GRIK1: variants seen among roughly 807,000 people sequenced by gnomAD.
GRIK1 encodes the protein glutamate receptor ionotropic, kainate 1.
A neutral mutation model predicts 105.7 loss-of-function variants in GRIK1; 69 were observed. The ratio of observed to expected loss-of-function variants is 0.65; its 90% CI spans 0.54 to 0.80. The LOEUF (loss-of-function observed/expected upper bound fraction) is 0.80, where lower values mean the gene tolerates loss of function less well. Among genes scored for constraint, GRIK1 ranks in the 30% least tolerant of loss-of-function variants. The pLI is 0.00. For missense variants in GRIK1, 1,109 were observed against 1,167.3 expected (o/e 0.95, Z 0.73); for synonymous variants, 438 against 431.3 (o/e 1.02, Z -0.19).
chr21:29,689,820 T>C lies in GRIK1; in HGVS notation c.452A>G (p.Tyr151Cys), dbSNP rs1009254984. 6.2e-7 allele frequency: 1 copy of C among 1,613,970 alleles called. No homozygotes were observed. The highest frequency in any genetic ancestry group is 8.5e-7 in the Non-Finnish European group (1 of 1,179,840). ...CCTGCTGATAGCTGCATAATCTGGG[T>C]AAAGGTTGATGTAAAACAAATCTTT... ...DNKDLFYINL[Y>C]PDYAAISRAI... The change falls in exon 3 of 18, where the codon TAC becomes TGC. Residue 151 changes from tyrosine (Y) to cysteine (C), a missense_variant. By Grantham distance (194) the Tyr-to-Cys change is radical (BLOSUM62 -2). This residue lies in a region of GRIK1 where 612 missense variants were observed against 586.0 expected (regional missense o/e 1.04). Coordinates refer to ENST00000327783, the MANE Select transcript of GRIK1 (RefSeq NM_001330994.2).
intron 1 of GRIK1, among the ~76,000 whole-genome samples, chr21:29,778,907 G>A (rs775750326): frequency 6.6e-6 from 1 of 151,966 alleles, no homozygotes; most frequent in Non-Finnish European, 1.5e-5. Flanking sequence ...CTTAACCAGA[G>A]GGCTTTTCGA....
intron 14 of GRIK1, among the ~76,000 whole-genome samples, chr21:29,567,070 AAT>A (rs1191144347): frequency 2.0e-5 from 3 of 152,216 alleles, no homozygotes; most frequent in Non-Finnish European, 4.4e-5. Context: ...CCTGACTTTT[AAT>A]AGCTTACACT....
At chr21:29,554,730 G>A (rs1373204476) in intron 16 of GRIK1, among the ~76,000 whole-genome samples, 1 of 151,858 alleles carries the variant, frequency 6.6e-6, no homozygotes, top group African/African-American at 2.4e-5. Context: ...ATTTATTTTT[G>A]CCTTTTTCCA....
chr21:29,765,904 T>C (rs1013012011), intron 1 of GRIK1, among the ~76,000 whole-genome samples: 2 of 151,762 alleles, frequency 1.3e-5, no homozygotes, highest in Non-Finnish European at 2.9e-5. Flanking sequence ...CAGGCTGGAG[T>C]GCAGTGGCGC....
At chr21:29,801,482 A>C (rs570971373) in intron 1 of GRIK1, among the ~76,000 whole-genome samples, 39 of 152,248 alleles carry the variant, frequency 2.6e-4, no homozygotes, top group African/African-American at 9.4e-4. Context: ...AAAAAGCCCC[A>C]AACTTCAAGG....
chr21:29,687,468 C>T (rs2063506371), intron 3 of GRIK1, among the ~76,000 whole-genome samples: 1 of 152,112 alleles, frequency 6.6e-6, no homozygotes, highest in Admixed American at 6.6e-5. Flanking sequence ...TCTCTGGGTT[C>T]CAATTTAATG....
chr21:29,852,190 C>T (rs1440445260), intron 1 of GRIK1, among the ~76,000 whole-genome samples: 1 of 152,096 alleles, frequency 6.6e-6, no homozygotes, highest in Non-Finnish European at 1.5e-5. Context: ...TTCTTTCTTC[C>T]TTCTACCTTG....
At chr21:29,766,013 G>A (rs868334962) in intron 1 of GRIK1, among the ~76,000 whole-genome samples, 10 of 151,850 alleles carry the variant, frequency 6.6e-5, no homozygotes, top group East Asian at 1.9e-4. Flanking sequence ...CACCACGCCC[G>A]GCTAATTTTT....
chr21:29,686,916 G>C (rs1358065672), intron 3 of GRIK1, among the ~76,000 whole-genome samples: 2 of 152,178 alleles, frequency 1.3e-5, no homozygotes, highest in African/African-American at 2.4e-5. Flanking sequence ...AATCATGAGG[G>C]GAGGTCAATG....
chr21:29,662,943 C>T (rs1237192238), intron 4 of GRIK1, among the ~76,000 whole-genome samples: 2 of 152,074 alleles, frequency 1.3e-5, no homozygotes, highest in African/African-American at 4.8e-5. Flanking sequence ...TATGTACAGC[C>T]AGTGCTGAGA....
chr21:29,555,059 A>G lies in GRIK1; in HGVS notation c.2600T>C (p.Ile867Thr). ...TAGAAAGAGATGACTCACCTGTTCAATATCATTATTCTTCCGTGATTTGTA... is the reference window on the plus strand; with the variant it reads ...TAGAAAGAGATGACTCACCTGTTCAGTATCATTATTCTTCCGTGATTTGTA... ...FIYKSRKNND[I>T]EQKGKSSRIR... The change falls in exon 16 of 18, where the codon ATT (isoleucine) becomes ACT (threonine). Residue 867 changes from isoleucine to threonine, a missense_variant. By Grantham distance (89) the Ile-to-Thr change is moderately conservative (BLOSUM62 -1). Coordinates refer to ENST00000327783, the MANE Select transcript of GRIK1 (RefSeq NM_001330994.2). The G allele has an allele frequency of 6.2e-7, 1 of 1,609,406 alleles. No homozygotes were observed. The highest frequency in any genetic ancestry group is 8.5e-7 in the Non-Finnish European group (1 of 1,175,908).
At chr21:29,840,778 A>G (rs1365232336) in intron 1 of GRIK1, among the ~76,000 whole-genome samples, 1 of 152,170 alleles carries the variant, frequency 6.6e-6, no homozygotes, top group Non-Finnish European at 1.5e-5. Flanking sequence ...CTCAATGCAG[A>G]ACAAGAAAGC....
chr21:29,821,873 T>A (rs1314437854), intron 1 of GRIK1, among the ~76,000 whole-genome samples: 1 of 152,024 alleles, frequency 6.6e-6, no homozygotes, highest in Non-Finnish European at 1.5e-5. Context: ...GACACACAAC[T>A]TTTTATTAAT....
At chr21:29,879,850 CTTT>C (rs890980497) in intron 1 of GRIK1, among the ~76,000 whole-genome samples, 8 of 132,088 alleles carry the variant, frequency 6.1e-5, no homozygotes, top group South Asian at 2.5e-4. Context: ...AGCCCCAGTT[CTTT>C]GATTTTTTTT....
At chr21:29,631,562 G>T (rs562472780) in intron 7 of GRIK1, among the ~76,000 whole-genome samples, 75 of 152,292 alleles carry the variant, frequency 4.9e-4, no homozygotes, top group Admixed American at 1.0e-3. Flanking sequence ...AAAGGATTTT[G>T]TTATAGCAGC....
chr21:29,622,527 C>A (rs1384408110), intron 7 of GRIK1, among the ~76,000 whole-genome samples: 1 of 152,154 alleles, frequency 6.6e-6, no homozygotes, highest in Admixed American at 6.5e-5. Flanking sequence ...CCCTGGTCTA[C>A]AAGAGCCTGC....
At chr21:29,815,972 C>G (rs1370071745) in intron 1 of GRIK1, among the ~76,000 whole-genome samples, 1 of 151,940 alleles carries the variant, frequency 6.6e-6, no homozygotes, top group Admixed American at 6.6e-5. Context: ...AACAAAAAAA[C>G]TGCACAGTAA....
chr21:29,593,554 C>G (rs1432803028), intron 9 of GRIK1, among the ~76,000 whole-genome samples: 1 of 152,186 alleles, frequency 6.6e-6, no homozygotes. Context: ...GAACAATTGA[C>G]TCCTAGCTCC....
chr21:29,688,306 T>C (rs2063522040), intron 3 of GRIK1, among the ~76,000 whole-genome samples: 1 of 152,220 alleles, frequency 6.6e-6, no homozygotes, highest in Admixed American at 6.5e-5. Flanking sequence ...TTTATCTGAC[T>C]ATATAAAATG....
Sources: gnomAD v4.1 joint callset for allele counts (sites outside exome capture counted in the v4.1 genomes callset) on GRCh38, gnomAD v4.1.1 for gene constraint, gnomAD v4.1.1 regional missense constraint, MANE v1.5 for transcripts, NCBI Gene and HGNC (gene_info 2026-07-23, HGNC 2026-07-21) for gene names.